Variants in ABHD8 observed in about 807,000 individuals in gnomAD.
ABHD8 encodes abhydrolase domain containing 8.
Under a neutral mutation model 29.3 loss-of-function variants are expected in ABHD8, and 10 were observed. The observed-to-expected ratio is 0.34, with a 90% CI of 0.21 to 0.58. The LOEUF is 0.58. ABHD8 is among the 20% of genes least tolerant of loss of function. ABHD8 has a pLI of 0.85. For missense variants in ABHD8, 556 were observed against 615.3 expected, an observed-to-expected ratio of 0.90 and a Z score of 1.02; for synonymous variants, 282 against 274.6, an observed-to-expected ratio of 1.03 and a Z score of -0.27.
intron 4 of ABHD8, 88 bp downstream of exon 4, chr19:17,294,200 C>A: frequency 1.4e-6 from 2 of 1,458,686 alleles, no homozygotes; most frequent in Non-Finnish European, 1.8e-6. Context: ...GCCCACCAAG[C>A]GCTACCACGC....
intron 2 of ABHD8, among the ~76,000 whole-genome samples, chr19:17,295,149 A>G (rs2145652668): frequency 7.9e-6 from 1 of 126,008 alleles, no homozygotes; most frequent in East Asian, 2.4e-4. Context: ...CCCAGGCCGG[A>G]CTGCGGACTG....
At position 17,292,822 on chromosome 19, in the gene ABHD8, G is replaced by A; in HGVS notation, c.1159C>T (p.Leu387=). The change falls in exon 5 of 5, where the codon CTG becomes TTG. Residue 387 remains leucine, a synonymous_variant. Coordinates refer to ENST00000247706, the MANE Select transcript of ABHD8 (RefSeq NM_024527.5). The part of the protein sequence containing the change: ...EDQRMAEILL[L]AFLKLIDEGS... ...TCGTCGATGAGCTTCAGGAATGCCA[G>A]GAGCAGGATCTGCAGAAGACGCAGG... 6.2e-7 allele frequency: 1 copy of A among 1,612,480 alleles called. No individual in the cohort carries two copies. Among genetic ancestry groups the A allele is most frequent in the East Asian group, 2.2e-5 (1 of 44,766 alleles).
At chr19:17,297,812 T>A (rs1168317172) in intron 2 of ABHD8, 1 of 151,564 alleles carries the variant, frequency 6.6e-6, no homozygotes, top group Non-Finnish European at 1.5e-5. Context: ...CCCAGGTTGG[T>A]CTTGAACTCC....
rs764675043 is a variant in ABHD8 at position 17,301,540 on chromosome 19, C to G, written c.77G>C (p.Ser26Thr). Reference protein sequence around the residue: ...TPPNAVGPLESVESSDGYTFV... With the variant: ...TPPNAVGPLETVESSDGYTFV... ...GGTGTAGCCATCGCTGGACTCGACG[C>G]TCTCCAGTGGCCCCACGGCGTTGGG... The change falls in exon 2 of 5, where the codon AGC (serine) becomes ACC (threonine). Residue 26 changes from serine (S) to threonine (T), a missense_variant. Transcript: ENST00000247706. 11 of 1,609,636 alleles carry G rather than the reference C, an allele frequency of 6.8e-6. No homozygotes were observed. The Admixed American group carries it at 1.8e-4, about 27-fold the overall frequency.
At chr19:17,295,630 ACTC>A (rs1480928106) in intron 2 of ABHD8, among the ~76,000 whole-genome samples, 4 of 151,234 alleles carry the variant, frequency 2.6e-5, no homozygotes, top group South Asian at 4.2e-4. Flanking sequence ...CTGGTCGAGA[ACTC>A]CTGACCTCAA....
chr19:17,297,286 G>GT (rs374440171), intron 2 of ABHD8, among the ~76,000 whole-genome samples: 188 of 151,812 alleles, frequency 1.2e-3, no homozygotes, highest in Middle Eastern at 3.4e-3. Flanking sequence ...GTAGGTGGGT[G>GT]TTTTTTTTGT....
chr19:17,297,592 C>T (rs1379344015), intron 2 of ABHD8, among the ~76,000 whole-genome samples: 1 of 152,136 alleles, frequency 6.6e-6, no homozygotes, highest in Non-Finnish European at 1.5e-5. Flanking sequence ...CTGTGCCCAG[C>T]AGGTGGGTGC....
In ABHD8 at chr19:17,301,320, A is replaced by G; in HGVS notation, c.297T>C (p.Pro99=). The G allele has an allele frequency of 6.2e-7, 1 of 1,607,626 alleles. No homozygotes were observed. Among genetic ancestry groups the G allele is most frequent in the South Asian group, 1.1e-5 (1 of 91,078 alleles). ...RLLVENLGRA[P]RADLLHGQNG... is the part of the protein sequence containing the mutation. ...TCTGCCCGTGTAGGAGGTCGGCTCGAGGGGCTCGGCCCAGGTTTTCCACCA... is the reference window on the plus strand; with the variant it reads ...TCTGCCCGTGTAGGAGGTCGGCTCGGGGGGCTCGGCCCAGGTTTTCCACCA... The change falls in exon 2 of 5, where the codon CCT becomes CCC. Residue 99 remains proline (P), a synonymous_variant. Transcript: ENST00000247706.
chr19:17,295,885 T>A (rs867479987), intron 2 of ABHD8, among the ~76,000 whole-genome samples: 30 of 152,094 alleles, frequency 2.0e-4, no homozygotes, highest in African/African-American at 5.8e-4. Flanking sequence ...TTTTTAAAAA[T>A]TTTTTTATAA....
chr19:17,299,560 CAAA>C (rs567760409), intron 2 of ABHD8, among the ~76,000 whole-genome samples: 1 of 51,498 alleles, frequency 1.9e-5, no homozygotes. Flanking sequence ...GACTCCATCT[CAAA>C]AAAAAAAAAA....
rs778529369 is a variant in ABHD8, at chr19:17,301,094, C to T, written c.523G>A (p.Asp175Asn). Reference sequence around the variant, plus strand: ...CCATGGATGAAAAAGAGCACCACGTCGGCCTGGGCGCCTTTGCAGCTAGTG... The same window carrying T: ...CCATGGATGAAAAAGAGCACCACGTTGGCCTGGGCGCCTTTGCAGCTAGTG... ...RITSCKGAQA[D>N]VVLFFIHGVG... Residue 175 changes from aspartate (D) to asparagine (N), a missense_variant, in exon 2 of 5, where the codon GAC becomes AAC. Asp to Asn is a conservative substitution (Grantham distance 23). Around this residue, in one of 2 missense-constraint regions of ABHD8, gnomAD observed 286 missense variants for 261.4 expected, o/e 1.09. Transcript: ENST00000247706. 18 of 1,613,424 alleles carry T rather than the reference C, an allele frequency of 1.1e-5. No individual in the cohort carries two copies. Among genetic ancestry groups the T allele is most frequent in the Non-Finnish European group, 1.4e-5 (17 of 1,180,024 alleles).
In ABHD8 at chr19:17,300,397, G is replaced by A. The variant is rs185370345; in HGVS notation, c.761+459C>T. On this transcript the variant is annotated intron_variant, in intron 2 of 4. Coordinates refer to ENST00000247706, the MANE Select transcript of ABHD8 (RefSeq NM_024527.5). The stretch of plus-strand genomic sequence containing the variant: ...GTTTGTACTTTTTGTAGAGCTAGGG[G>A]GTTCTCCCTATGTTGCCCAGGCTGG... Among the ~76,000 whole-genome samples, 20 of 152,106 alleles carry A rather than the reference G, an allele frequency of 1.3e-4. No individual in the cohort carries two copies. In the East Asian group the frequency reaches 2.7e-3, roughly 21 times the overall value.
chr19:17,300,818 A>T (rs1355099952), intron 2 of ABHD8, 38 bp downstream of exon 2: 1 of 1,548,040 alleles, frequency 6.5e-7, no homozygotes, highest in Non-Finnish European at 8.7e-7. Flanking sequence ...TGCTGACCCC[A>T]TCCCTCACCC....
Position 17,292,258 on chromosome 19 carries a change from C to G in ABHD8, c.*403G>C. On this transcript the variant is annotated 3_prime_UTR_variant, in exon 5 of 5. Transcript: ENST00000247706. ...CCGAGGAATGGGGGGTAGGAAGGGTCTCGGATAACGGGATGGGGCCTCGAG... is the reference window on the plus strand; with the variant it reads ...CCGAGGAATGGGGGGTAGGAAGGGTGTCGGATAACGGGATGGGGCCTCGAG... 2 of 267,712 alleles carry G rather than the reference C, an allele frequency of 7.5e-6. No homozygotes were observed. The highest frequency in any genetic ancestry group is 7.0e-6 in the Non-Finnish European group (1 of 142,490). 16.6% of individuals were successfully genotyped at this position (267,712 alleles called of 1,614,324 possible).
chr19:17,301,809 TTTTTGAGACA>T (rs2145660836), intron 1 of ABHD8, among the ~76,000 whole-genome samples, 185 bp from the exon 2 acceptor site: 1 of 149,604 alleles, frequency 6.7e-6, no homozygotes, highest in East Asian at 2.0e-4. Flanking sequence ...TGTGTGTGTG[TTTTTGAGACA>T]GTCTCGCTTT....
At chr19:17,297,337 T>G (rs2074097688) in intron 2 of ABHD8, among the ~76,000 whole-genome samples, 1 of 151,916 alleles carries the variant, frequency 6.6e-6, no homozygotes, top group Admixed American at 6.6e-5. Flanking sequence ...GCTCTGTCAC[T>G]CAGGCTGGAG....
At chr19:17,299,046 C>A (rs1051430746) in intron 2 of ABHD8, among the ~76,000 whole-genome samples, 2 of 152,136 alleles carry the variant, frequency 1.3e-5, no homozygotes, top group African/African-American at 2.4e-5. Flanking sequence ...CTGGCCTGAG[C>A]AACACTGCTT....
intron 4 of ABHD8, 74 bp from the exon 5 acceptor site, chr19:17,292,905 C>T: frequency 1.3e-6 from 2 of 1,501,130 alleles, no homozygotes; most frequent in South Asian, 1.3e-5. Flanking sequence ...TGGGACTCCG[C>T]CATACACACA....
chr19:17,301,205 T>C lies in ABHD8; in HGVS notation c.412A>G (p.Ser138Gly). The change falls in exon 2 of 5, where the codon AGC becomes GGC. Residue 138 changes from serine to glycine, a missense_variant. Ser to Gly is a moderately conservative substitution (Grantham distance 56). Transcript: ENST00000247706. ...CCACCACTGCCACTGCCGCTGCCGC[T>C]GCCTGCGCTGCCGGGGGCCAAGCGG... ...DGRLAPGSAG[S>G]GSGSGSGGRR... The C allele has an allele frequency of 6.2e-7, 1 of 1,600,070 alleles. No individual in the cohort carries two copies. The highest frequency in any genetic ancestry group is 8.5e-7 in the Non-Finnish European group (1 of 1,175,810).
Sources: allele counts gnomAD v4.1 joint callset (sites outside exome capture counted in the v4.1 genomes callset), GRCh38; gene constraint gnomAD v4.1.1; regional missense constraint gnomAD v4.1.1; transcripts MANE v1.5; gene names NCBI Gene and HGNC (gene_info 2026-07-23, HGNC 2026-07-21).